The following CACHD1 variants were observed in gnomAD, a reference collection of about 807,000 sequenced individuals.
The protein encoded by CACHD1 is cache domain containing 1.
In CACHD1, 71 loss-of-function variants were observed where a neutral mutation model predicts 138.7. The ratio of observed to expected loss-of-function variants is 0.51; its 90% CI spans 0.42 to 0.62. The LOEUF (loss-of-function observed/expected upper bound fraction) is 0.62, where lower values mean the gene tolerates loss of function less well. Among genes scored for constraint, CACHD1 ranks in the 20% least tolerant of loss-of-function variants. CACHD1 has a pLI of 0.00. For missense variants in CACHD1, 1,389 were observed against 1,625.3 expected (o/e 0.85, Z 2.50); for synonymous variants, 578 against 591.5 (o/e 0.98, Z 0.33).
At chr1:64,519,987 A>T (rs1646486560) in intron 1 of CACHD1, among the ~76,000 whole-genome samples, 1 of 152,222 alleles carries the variant, frequency 6.6e-6, no homozygotes, top group Admixed American at 6.5e-5. Flanking sequence ...ATCAGCCAGT[A>T]GGCACAAAAT....
In CACHD1 at chr1:64,659,006, A is replaced by G. The variant is rs1013622387; in HGVS notation, c.1951+133A>G. 7 of 740,590 alleles carry G rather than the reference A, an allele frequency of 9.5e-6. No individual in the cohort carries two copies. In the African/African-American group the frequency reaches 1.2e-4, roughly 13 times the overall value. 45.9% of individuals were successfully genotyped at this position (740,590 alleles called of 1,614,324 possible). A position where few individuals can be genotyped will look rare whatever the true frequency, so the allele number is the denominator to read the frequency against. The stretch of plus-strand genomic sequence containing the variant: ...AGAGTCAGCTGGTTTGGGGATACAA[A>G]TATGAAAACGATTTGAAGCCTGGCC... On this transcript the variant is annotated intron_variant, in intron 13 of 26. Transcript: ENST00000651257.
At chr1:64,573,412 T>C (rs575336814) in intron 2 of CACHD1, among the ~76,000 whole-genome samples, 1 of 152,184 alleles carries the variant, frequency 6.6e-6, no homozygotes, top group Non-Finnish European at 1.5e-5. Flanking sequence ...TACAGAACTA[T>C]GAGAAATAAA....
intron 9 of CACHD1, among the ~76,000 whole-genome samples, chr1:64,651,016 C>T (rs1442920106): frequency 1.3e-5 from 2 of 152,042 alleles, no homozygotes; most frequent in Non-Finnish European, 2.9e-5. Context: ...GTCTCGATCT[C>T]GGGGCCATGC....
At chr1:64,566,834 GA>G (rs968293908) in intron 2 of CACHD1, among the ~76,000 whole-genome samples, 26 of 151,646 alleles carry the variant, frequency 1.7e-4, no homozygotes, top group African/African-American at 6.3e-4. Flanking sequence ...GAAGAGGCAA[GA>G]AAAAAATAAA....
intron 3 of CACHD1, among the ~76,000 whole-genome samples, chr1:64,595,849 T>C (rs1647146542): frequency 6.6e-6 from 1 of 152,178 alleles, no homozygotes; most frequent in African/African-American, 2.4e-5. Context: ...TTAGACTTAA[T>C]AGAGAGGGAG....
At chr1:64,589,225 A>T (rs1358658923) in intron 3 of CACHD1, among the ~76,000 whole-genome samples, 1 of 152,120 alleles carries the variant, frequency 6.6e-6, no homozygotes, top group Admixed American at 6.5e-5. Context: ...TCACTGTGGA[A>T]GGCAGATAGG....
intron 1 of CACHD1, among the ~76,000 whole-genome samples, chr1:64,472,425 A>T (rs1291853107): frequency 6.6e-6 from 1 of 152,178 alleles, no homozygotes; most frequent in Non-Finnish European, 1.5e-5. Context: ...TGACATGAGG[A>T]CTGAGGAGTG....
chr1:64,544,745 C>T (rs1646705641), intron 1 of CACHD1, among the ~76,000 whole-genome samples: 2 of 151,346 alleles, frequency 1.3e-5, no homozygotes, highest in South Asian at 4.2e-4. Flanking sequence ...GGGGAGGGAG[C>T]GGGGAGGCAG....
chr1:64,682,176 C>T (rs957603919), intron 26 of CACHD1, 70 bp downstream of exon 26: 24 of 1,345,474 alleles, frequency 1.8e-5, no homozygotes, highest in Admixed American at 1.8e-4. Context: ...ATGCTCACAC[C>T]CTATTTTGAC....
intron 9 of CACHD1, among the ~76,000 whole-genome samples, chr1:64,649,458 A>G (rs895734041): frequency 1.3e-5 from 2 of 152,178 alleles, no homozygotes; most frequent in African/African-American, 2.4e-5. Flanking sequence ...GAAAATATGA[A>G]GTCCTGAATG....
chr1:64,685,740 A>AG (rs1418709313), intron 26 of CACHD1, among the ~76,000 whole-genome samples: 1 of 151,908 alleles, frequency 6.6e-6, no homozygotes, highest in East Asian at 1.9e-4. Context: ...CGGGAGACTG[A>AG]GGTGGGAAGA....
intron 4 of CACHD1, among the ~76,000 whole-genome samples, chr1:64,627,396 G>A (rs1468094275): frequency 6.6e-6 from 1 of 152,140 alleles, no homozygotes; most frequent in Non-Finnish European, 1.5e-5. Flanking sequence ...GACAGAGTGA[G>A]ACCCTGTCTC....
At chr1:64,588,488 C>A (rs1360319427) in intron 3 of CACHD1, among the ~76,000 whole-genome samples, 1 of 151,196 alleles carries the variant, frequency 6.6e-6, no homozygotes, top group East Asian at 1.9e-4. Context: ...GTGGCACGAT[C>A]TCATGCCTCA....
chr1:64,668,601 A>G (rs1292419089), intron 16 of CACHD1, among the ~76,000 whole-genome samples: 1 of 152,200 alleles, frequency 6.6e-6, no homozygotes, highest in Non-Finnish European at 1.5e-5. Context: ...GTTTAACTAG[A>G]ATATAATAAG....
intron 9 of CACHD1, 125 bp downstream of exon 9, chr1:64,648,159 G>A (rs1648975192): frequency 2.9e-6 from 2 of 698,406 alleles, no homozygotes; most frequent in South Asian, 3.8e-5. Flanking sequence ...TCTCTGTATT[G>A]TACAGCAGAA....
At chr1:64,568,559 A>C (rs987205469) in intron 2 of CACHD1, among the ~76,000 whole-genome samples, 5 of 152,166 alleles carry the variant, frequency 3.3e-5, no homozygotes, top group African/African-American at 1.2e-4. Flanking sequence ...TGGGATTTGG[A>C]GCCATCTTGT....
At position 64,658,757 on chromosome 1, in the gene CACHD1, C is replaced by T; in HGVS notation, c.1835C>T (p.Pro612Leu). The T allele has an allele frequency of 6.2e-7, 1 of 1,611,434 alleles. No homozygotes were observed. ...ATTGTGGTGATACAACCAGAAATAC[C>T]TGTGAAACAACTGAAGAACCTCAAC... is the stretch of plus-strand genomic sequence containing the variant. Reference protein sequence around the residue: ...LCIVVIQPEIPVKQLKNLNTV... With the variant: ...LCIVVIQPEILVKQLKNLNTV... Residue 612 changes from proline to leucine, a missense_variant, in exon 13 of 27, where the codon CCT (proline) becomes CTT (leucine). Pro to Leu is a moderately conservative substitution (Grantham distance 98). Around this residue, in one of 5 missense-constraint regions of CACHD1, gnomAD observed 1,000 missense variants for 1,114.7 expected, o/e 0.90. Transcript: ENST00000651257.
At chr1:64,590,966 G>C (rs919107402) in intron 3 of CACHD1, among the ~76,000 whole-genome samples, 6 of 152,146 alleles carry the variant, frequency 3.9e-5, no homozygotes, top group Admixed American at 1.3e-4. Flanking sequence ...ATATTTCAGA[G>C]ACTCTTCCAA....
At chr1:64,610,766 A>T (rs1433100388) in intron 4 of CACHD1, among the ~76,000 whole-genome samples, 1 of 152,150 alleles carries the variant, frequency 6.6e-6, no homozygotes, top group Non-Finnish European at 1.5e-5. Flanking sequence ...AGTCTGGAGG[A>T]TGGTGGTCCT....
Sources: allele counts gnomAD v4.1 joint callset (sites outside exome capture counted in the v4.1 genomes callset), GRCh38; gene constraint gnomAD v4.1.1; regional missense constraint gnomAD v4.1.1; transcripts MANE v1.5; gene names NCBI Gene and HGNC (gene_info 2026-07-23, HGNC 2026-07-21).